The following AGPAT3 variants were observed in gnomAD, a reference collection of about 807,000 sequenced individuals.
AGPAT3 encodes the protein 1-acyl-sn-glycerol-3-phosphate acyltransferase gamma.
A neutral mutation model predicts 47.3 loss-of-function variants in AGPAT3; 5 were observed. The ratio of observed to expected loss-of-function variants is 0.11; its 90% CI spans 0.06 to 0.22. AGPAT3 has a LOEUF of 0.22. Among genes scored for constraint, AGPAT3 ranks in the 10% least tolerant of loss-of-function variants. AGPAT3 has a pLI of 1.00. For synonymous variants in AGPAT3, 212 were observed against 208.3 expected, an observed-to-expected ratio of 1.02 and a Z score of -0.15; for missense variants, 315 against 493.0, an observed-to-expected ratio of 0.64 and a Z score of 3.42.
chr21:43,941,536 G>A (rs1224863024), intron 2 of AGPAT3, among the ~76,000 whole-genome samples: 3 of 152,216 alleles, frequency 2.0e-5, no homozygotes, highest in Non-Finnish European at 4.4e-5. Context: ...AACAGAGCGA[G>A]ACCCCATCTC....
chr21:43,976,098 C>T lies in AGPAT3; in HGVS notation c.768-1948C>T, dbSNP rs552001694. Among the ~76,000 whole-genome samples, 13 of 149,142 alleles carry T rather than the reference C, an allele frequency of 8.7e-5. No homozygotes were observed. In the South Asian group the frequency reaches 1.5e-3, roughly 17 times the overall value. ...ATTTTTTTTTTTTGAGACGGAGTCT[C>T]GCTCTGTCACCCAGGCTGGAGTGCA... On this transcript the variant is annotated intron_variant, in intron 7 of 9. Transcript: ENST00000291572.
chr21:43,924,215 CG>C (rs1569067065), intron 2 of AGPAT3, among the ~76,000 whole-genome samples: 1 of 149,836 alleles, frequency 6.7e-6, no homozygotes, highest in Admixed American at 6.7e-5. Flanking sequence ...TTAGCAGAGA[CG>C]GGGTTTCACC....
At chr21:43,928,735 C>T (rs921194824) in intron 2 of AGPAT3, among the ~76,000 whole-genome samples, 11 of 152,206 alleles carry the variant, frequency 7.2e-5, no homozygotes, top group Admixed American at 5.2e-4. Flanking sequence ...CAAGCTGGGG[C>T]ACTCGCTACT....
chr21:43,887,595 C>T (rs1400602188), intron 1 of AGPAT3, among the ~76,000 whole-genome samples: 1 of 152,256 alleles, frequency 6.6e-6, no homozygotes, highest in Non-Finnish European at 1.5e-5. Flanking sequence ...CGCACACACA[C>T]ACACACAACT....
chr21:43,975,906 G>A lies in AGPAT3; in HGVS notation c.768-2140G>A, dbSNP rs572455117. 1.5e-4 allele frequency among the ~76,000 whole-genome samples: 23 copies of A among 152,104 alleles called. No homozygotes were observed. The South Asian group carries it at 4.6e-3, about 30-fold the overall frequency. On this transcript the variant is annotated intron_variant, in intron 7 of 9. Transcript: ENST00000291572. Reference sequence around the variant, plus strand: ...CTCTGACGGCCGTCGCAGGGAAGAGGCAGCATTGAGCACCCGCTGTTAAGA... The same window carrying A: ...CTCTGACGGCCGTCGCAGGGAAGAGACAGCATTGAGCACCCGCTGTTAAGA...
intron 2 of AGPAT3, among the ~76,000 whole-genome samples, chr21:43,925,961 C>T (rs1012220644): frequency 2.6e-5 from 4 of 152,252 alleles, no homozygotes; most frequent in Admixed American, 6.5e-5. Flanking sequence ...CCAGGAGAAG[C>T]GGCGAGGCCC....
At chr21:43,881,042 A>C (rs2085844914) in intron 1 of AGPAT3, among the ~76,000 whole-genome samples, 1 of 152,180 alleles carries the variant, frequency 6.6e-6, no homozygotes, top group Non-Finnish European at 1.5e-5. Context: ...GAAAATTGAG[A>C]AGAAAGTGAT....
intron 2 of AGPAT3, among the ~76,000 whole-genome samples, chr21:43,938,295 A>G (rs1601359755): frequency 6.7e-6 from 1 of 148,906 alleles, no homozygotes; most frequent in Non-Finnish European, 1.5e-5. Context: ...ATTAGAAGTC[A>G]GAATTCTTGA....
chr21:43,904,267 T>C (rs567448083), intron 2 of AGPAT3, among the ~76,000 whole-genome samples: 1 of 152,376 alleles, frequency 6.6e-6, no homozygotes, highest in South Asian at 2.1e-4. Context: ...CTTTGTTCTC[T>C]TCCTGCGAGG....
rs1283868222 is a variant in AGPAT3 at position 43,970,131 on chromosome 21, C to G, written c.511-522C>G. Among the ~76,000 whole-genome samples, 1 of 151,870 alleles carries G rather than the reference C, an allele frequency of 6.6e-6. No individual in the cohort carries two copies. Among genetic ancestry groups the G allele is most frequent in the Non-Finnish European group, 1.5e-5 (1 of 68,006 alleles). On this transcript the variant is annotated intron_variant, in intron 5 of 9. Coordinates refer to ENST00000291572, the MANE Select transcript of AGPAT3 (RefSeq NM_020132.5). The surrounding 1 kb of genome is among the most constrained non-coding windows in gnomAD (Gnocchi z 5.8). ...TCCAGCAGTTCTCCTCTCTCAGCCT[C>G]CAAGTTGCTGGGATTACAGGCACTC...
Position 43,984,791 on chromosome 21 carries a change from CTT to C in AGPAT3, c.*2408_*2409del. On this transcript the variant is annotated 3_prime_UTR_variant, in exon 10 of 10. Coordinates refer to ENST00000291572, the MANE Select transcript of AGPAT3 (RefSeq NM_020132.5). The stretch of plus-strand genomic sequence containing the variant: ...TTAAATTCATAAATCCCAGAACAGT[CTT>C]TTTTTTTTCTTTTTCCTTTACACCC... 1 of 183,442 alleles carries C rather than the reference CTT, an allele frequency of 5.5e-6. No homozygotes were observed. Among genetic ancestry groups the C allele is most frequent in the Non-Finnish European group, 1.2e-5 (1 of 85,744 alleles). The allele number at this position is 183,442 out of a possible 1,614,324, so 11.4% of individuals were successfully genotyped here.
rs577733108 is a variant in AGPAT3, at chr21:43,953,534, C to T, written c.-48-6100C>T. Among the ~76,000 whole-genome samples the T allele has an allele frequency of 5.3e-5, 8 of 152,216 alleles. No individual in the cohort carries two copies. In the South Asian group the frequency reaches 1.0e-3, roughly 20 times the overall value. ...TTGCAGAATATTAGTTTAGGGTGAT[C>T]AATAAAAGACTTTCAAGCCTAATGT... On this transcript the variant is annotated intron_variant, in intron 2 of 9. Transcript: ENST00000291572.
intron 2 of AGPAT3, among the ~76,000 whole-genome samples, chr21:43,940,496 A>G (rs557917551): frequency 1.3e-5 from 2 of 152,092 alleles, no homozygotes; most frequent in South Asian, 4.2e-4. Flanking sequence ...GCAGGAACTC[A>G]TTCTGATCCC....
chr21:43,890,370 A>G (rs528920971), intron 1 of AGPAT3, among the ~76,000 whole-genome samples: 2 of 152,316 alleles, frequency 1.3e-5, no homozygotes, highest in South Asian at 4.1e-4. Flanking sequence ...AACAGGGTGG[A>G]GAATTGTGAG....
intron 7 of AGPAT3, among the ~76,000 whole-genome samples, chr21:43,972,090 C>T (rs1056973029): frequency 1.1e-4 from 17 of 151,978 alleles, no homozygotes; most frequent in African/African-American, 3.4e-4. Flanking sequence ...CCGCAGCACG[C>T]GAGGGACCGC....
rs528171814 is a variant in AGPAT3 at position 43,905,484 on chromosome 21, G to A, written c.-49+1465G>A. Among the ~76,000 whole-genome samples, 22 of 152,140 alleles carry A rather than the reference G, an allele frequency of 1.4e-4. No individual in the cohort carries two copies. The South Asian group carries it at 2.3e-3, about 16-fold the overall frequency. On this transcript the variant is annotated intron_variant, in intron 2 of 9. Transcript: ENST00000291572. The stretch of plus-strand genomic sequence containing the variant: ...ATTACAGGCGTGAGCCACTGCGCCC[G>A]GCCTAGTGTCTCTTTAGGATTGTTT...
chr21:43,974,940 C>T (rs1191592813), intron 7 of AGPAT3, among the ~76,000 whole-genome samples: 2 of 152,230 alleles, frequency 1.3e-5, no homozygotes, highest in African/African-American at 2.4e-5. Flanking sequence ...GTGATGTTGT[C>T]TTCATAGCCA....
At chr21:43,975,121 T>C (rs1398027928) in intron 7 of AGPAT3, among the ~76,000 whole-genome samples, 1 of 151,676 alleles carries the variant, frequency 6.6e-6, no homozygotes, top group Admixed American at 6.6e-5. Context: ...CACTGGTGTG[T>C]AGTGTGTGCT....
chr21:43,914,521 A>C (rs530859905), intron 2 of AGPAT3, among the ~76,000 whole-genome samples: 1 of 152,044 alleles, frequency 6.6e-6, no homozygotes, highest in Admixed American at 6.5e-5. Flanking sequence ...ATGAGATTCC[A>C]TGTAGAGGTT....
Sources: allele counts gnomAD v4.1 joint callset (sites outside exome capture counted in the v4.1 genomes callset), GRCh38; gene constraint gnomAD v4.1.1; non-coding constraint Gnocchi (gnomAD v3.1); transcripts MANE v1.5; gene names NCBI Gene and HGNC (gene_info 2026-07-23, HGNC 2026-07-21).